Variants in TNFRSF19 observed in about 807,000 individuals in gnomAD.
TNFRSF19 encodes tumor necrosis factor receptor superfamily member 19.
A neutral mutation model predicts 46.4 loss-of-function variants in TNFRSF19; 27 were observed. The ratio of observed to expected loss-of-function variants is 0.58; its 90% confidence interval spans 0.43 to 0.80. The LOEUF (loss-of-function observed/expected upper bound fraction) is 0.80, where lower values mean the gene tolerates loss of function less well. TNFRSF19 is among the 30% of genes least tolerant of loss of function. TNFRSF19 has a pLI of 0.00. For missense variants in TNFRSF19, 511 were observed against 530.8 expected (o/e 0.96, Z 0.37); for synonymous variants, 204 against 205.0 (o/e 1.00, Z 0.04).
chr13:23,597,711 A>G (rs1879839404), intron 3 of TNFRSF19, among the ~76,000 whole-genome samples: 1 of 152,220 alleles, frequency 6.6e-6, no homozygotes, highest in Non-Finnish European at 1.5e-5. Context: ...TATTCCAATC[A>G]ATAGAAAAAG....
At chr13:23,575,568 G>A (rs901788012) in intron 1 of TNFRSF19, among the ~76,000 whole-genome samples, 2 of 152,246 alleles carry the variant, frequency 1.3e-5, no homozygotes, top group African/African-American at 4.8e-5. Flanking sequence ...AGGTCTTGGG[G>A]GTTCCTCCTC....
At chr13:23,622,543 C>T (rs1244053920) in intron 4 of TNFRSF19, among the ~76,000 whole-genome samples, 3 of 152,082 alleles carry the variant, frequency 2.0e-5, no homozygotes, top group South Asian at 2.1e-4. Flanking sequence ...ATATTCTCTT[C>T]GATTGTCAGG....
intron 1 of TNFRSF19, among the ~76,000 whole-genome samples, chr13:23,580,044 T>A (rs77799762): frequency 0.022 from 3,351 of 152,224 alleles, 51 homozygotes; most frequent in Non-Finnish European, 0.035. Context: ...TCCTTAGAGT[T>A]CAGCAGGAAT....
chr13:23,631,447 C>G (rs1882356906), intron 5 of TNFRSF19, among the ~76,000 whole-genome samples: 1 of 152,158 alleles, frequency 6.6e-6, no homozygotes, highest in African/African-American at 2.4e-5. Context: ...AAGTGTCACA[C>G]AGGTATGTGG....
chr13:23,642,053 A>G (rs1460830799), intron 5 of TNFRSF19, among the ~76,000 whole-genome samples: 1 of 152,254 alleles, frequency 6.6e-6, no homozygotes, highest in Non-Finnish European at 1.5e-5. Flanking sequence ...GCCATTGTAA[A>G]GTCAGCAAAT....
At position 23,659,457 on chromosome 13, in the gene TNFRSF19, C is replaced by G. The variant is rs908108948; in HGVS notation, c.610+243C>G. Reference sequence around the variant, plus strand: ...CTAATAGCCTATTGTTGACGGGAAGCCTTACTGATAAACAGTTGGTTAATA... The same window carrying G: ...CTAATAGCCTATTGTTGACGGGAAGGCTTACTGATAAACAGTTGGTTAATA... On this transcript the variant is annotated intron_variant, in intron 6 of 9. Coordinates refer to ENST00000248484, the MANE Select transcript of TNFRSF19 (RefSeq NM_148957.4). The surrounding 1 kb of genome is among the most constrained non-coding windows in gnomAD (Gnocchi z 4.9). 6.6e-6 allele frequency among the ~76,000 whole-genome samples: 1 copy of G among 152,074 alleles called. No individual in the cohort carries two copies. Among genetic ancestry groups the G allele is most frequent in the Non-Finnish European group, 1.5e-5 (1 of 68,012 alleles).
chr13:23,664,977 C>T (rs1277531002), intron 7 of TNFRSF19, among the ~76,000 whole-genome samples: 2 of 152,206 alleles, frequency 1.3e-5, no homozygotes, highest in Non-Finnish European at 2.9e-5. Flanking sequence ...TATTGCTATG[C>T]AGCATATGGC....
chr13:23,655,576 G>A (rs1191266000), intron 5 of TNFRSF19, among the ~76,000 whole-genome samples: 2 of 152,156 alleles, frequency 1.3e-5, no homozygotes, highest in African/African-American at 4.8e-5. Context: ...CAAGGCATGT[G>A]AGTGGAAAGA....
chr13:23,607,093 A>G (rs1361138114), intron 3 of TNFRSF19, among the ~76,000 whole-genome samples: 1 of 151,262 alleles, frequency 6.6e-6, no homozygotes, highest in Non-Finnish European at 1.5e-5. Flanking sequence ...ATTTTTTTTC[A>G]GACAACTACG....
intron 3 of TNFRSF19, among the ~76,000 whole-genome samples, chr13:23,603,220 T>C (rs1880286178): frequency 6.6e-6 from 1 of 152,022 alleles, no homozygotes; most frequent in Non-Finnish European, 1.5e-5. Flanking sequence ...ACACATTTGG[T>C]AACCTAGATG....
chr13:23,663,971 G>T (rs1024858985), intron 7 of TNFRSF19, among the ~76,000 whole-genome samples: 3 of 151,744 alleles, frequency 2.0e-5, no homozygotes, highest in African/African-American at 2.4e-5. Flanking sequence ...TAATATTTTG[G>T]GTGGTTTTTC....
At chr13:23,587,263 A>T (rs192526759) in intron 1 of TNFRSF19, among the ~76,000 whole-genome samples, 1 of 152,298 alleles carries the variant, frequency 6.6e-6, no homozygotes, top group Admixed American at 6.5e-5. Flanking sequence ...CTATTTCATT[A>T]AATTTTCCTT....
chr13:23,665,066 A>G (rs1951600223), intron 7 of TNFRSF19, among the ~76,000 whole-genome samples: 1 of 152,218 alleles, frequency 6.6e-6, no homozygotes, highest in African/African-American at 2.4e-5. Flanking sequence ...TGGGTGAAGA[A>G]TAAAATACAA....
intron 4 of TNFRSF19, among the ~76,000 whole-genome samples, chr13:23,618,610 T>C (rs1183499821): frequency 6.6e-6 from 1 of 152,332 alleles, no homozygotes; most frequent in East Asian, 1.9e-4. Flanking sequence ...TTAGAGTTCC[T>C]TCAGAAAGTT....
intron 3 of TNFRSF19, among the ~76,000 whole-genome samples, chr13:23,609,622 T>C (rs546852329): frequency 5.3e-5 from 8 of 152,356 alleles, no homozygotes; most frequent in African/African-American, 1.9e-4. Context: ...AGTAAACTTT[T>C]CTAACCAATT....
intron 5 of TNFRSF19, among the ~76,000 whole-genome samples, chr13:23,641,882 C>T (rs1374200802): frequency 6.6e-6 from 1 of 152,186 alleles, no homozygotes; most frequent in South Asian, 2.1e-4. Flanking sequence ...CAAACAGCAT[C>T]GCTTACCCTA....
intron 4 of TNFRSF19, among the ~76,000 whole-genome samples, chr13:23,617,404 A>T (rs1881376195): frequency 6.6e-6 from 1 of 152,194 alleles, no homozygotes; most frequent in African/African-American, 2.4e-5. Context: ...ACTGCTTCTA[A>T]GTAACTGTGG....
intron 5 of TNFRSF19, among the ~76,000 whole-genome samples, chr13:23,638,613 T>C (rs1422631320): frequency 6.6e-6 from 1 of 152,208 alleles, no homozygotes; most frequent in African/African-American, 2.4e-5. Context: ...GAAATCAAGT[T>C]TGGTTGAGGA....
intron 7 of TNFRSF19, among the ~76,000 whole-genome samples, chr13:23,662,424 T>A (rs1451007795): frequency 3.3e-5 from 5 of 152,244 alleles, no homozygotes; most frequent in African/African-American, 9.6e-5. Context: ...TTTTGGTTAC[T>A]GTGGCCTTGT....
Sources: allele counts gnomAD v4.1 joint callset (sites outside exome capture counted in the v4.1 genomes callset), GRCh38; gene constraint gnomAD v4.1.1; non-coding constraint Gnocchi (gnomAD v3.1); transcripts MANE v1.5; gene names NCBI Gene and HGNC (gene_info 2026-07-23, HGNC 2026-07-21).